The following HTT variants were observed in gnomAD, a reference collection of about 807,000 sequenced individuals.
The protein encoded by HTT is huntingtin, also known as huntington disease protein.
In HTT, 104 loss-of-function variants were observed where a neutral mutation model predicts 362.3. The observed-to-expected ratio is 0.29, with a 90% CI of 0.24 to 0.34. HTT has a LOEUF of 0.34. HTT is among the 10% of genes least tolerant of loss of function. The pLI is 1.00. For missense variants in HTT, 3,301 were observed against 3,928.6 expected (o/e 0.84, Z 4.27); for synonymous variants, 1,577 against 1,548.7 (o/e 1.02, Z -0.43).
At position 3,146,882 on chromosome 4, in the gene HTT, G is replaced by C; in HGVS notation, c.3229G>C (p.Ala1077Pro). The C allele has an allele frequency of 6.2e-7, 1 of 1,614,156 alleles. No homozygotes were observed. The highest frequency in any genetic ancestry group is 8.5e-7 in the Non-Finnish European group (1 of 1,180,000). The change falls in exon 25 of 67, where the codon GCT becomes CCT. Residue 1077 changes from alanine to proline, a missense_variant. Coordinates refer to ENST00000355072, the MANE Select transcript of HTT (RefSeq NM_001388492.1). ...ATMILTLLSS[A>P]WFPLDLSAHQ... ...AATGATTCTGACCCTGCTCTCGTCA[G>C]CTTGGTTCCCATTGGATCTCTCAGC...
chr4:3,229,123 C>T, intron 59 of HTT, 114 bp downstream of exon 59: 2 of 1,034,716 alleles, frequency 1.9e-6, no homozygotes, highest in Non-Finnish European at 2.8e-6. Context: ...ACACACCCCT[C>T]ATGCATGCAA....
chr4:3,086,342 G>C lies in HTT; in HGVS notation c.264-597G>C, dbSNP rs191829313. Among the ~76,000 whole-genome samples, 3 of 152,282 alleles carry C rather than the reference G, an allele frequency of 2.0e-5. No homozygotes were observed. In the East Asian group the frequency reaches 5.8e-4, roughly 29 times the overall value. ...TTCATATCTGTGTGATCTTGGGCAT[G>C]TCATGGTTGGCACTTCAATTTCTTC... On this transcript the variant is annotated intron_variant, in intron 1 of 66. Coordinates refer to ENST00000355072, the MANE Select transcript of HTT (RefSeq NM_001388492.1).
intron 41 of HTT, among the ~76,000 whole-genome samples, chr4:3,202,649 C>T (rs992241443): frequency 6.6e-5 from 10 of 152,156 alleles, no homozygotes; most frequent in African/African-American, 2.4e-4. Flanking sequence ...CACATCCTGC[C>T]CCTCCCCAGG....
intron 65 of HTT, 78 bp from the exon 66 acceptor site, chr4:3,238,740 C>G: frequency 3.9e-6 from 4 of 1,038,410 alleles, no homozygotes; most frequent in Non-Finnish European, 5.6e-6. Context: ...GCCCCCACCC[C>G]ACCCCCGCCA....
At chr4:3,200,878 G>C (rs1719498533) in intron 41 of HTT, among the ~76,000 whole-genome samples, 1 of 152,244 alleles carries the variant, frequency 6.6e-6, no homozygotes, top group Non-Finnish European at 1.5e-5. Flanking sequence ...CAGAAAGTCA[G>C]TGTCTCCTAG....
Position 3,215,155 on chromosome 4 carries a change from C to G in HTT, c.6998C>G (p.Thr2333Arg). 1 of 1,614,076 alleles carries G rather than the reference C, an allele frequency of 6.2e-7. No homozygotes were observed. The highest frequency in any genetic ancestry group is 8.5e-7 in the Non-Finnish European group (1 of 1,179,974). Residue 2333 changes from threonine (T) to arginine (R), a missense_variant, in exon 51 of 67, where the codon ACA (threonine) becomes AGA (arginine). By Grantham distance (71) the Thr-to-Arg change is moderately conservative. Coordinates refer to ENST00000355072, the MANE Select transcript of HTT (RefSeq NM_001388492.1). Reference sequence around the variant, plus strand: ...CAGCTTCTTAGTCCAGAAAGAAGGACAAATACCCCAAAAGCCATCAGCGAG... The same window carrying G: ...CAGCTTCTTAGTCCAGAAAGAAGGAGAAATACCCCAAAAGCCATCAGCGAG... ...GEQLLSPERR[T>R]NTPKAISEEE...
chr4:3,137,107 G>C (rs980711910), intron 21 of HTT, among the ~76,000 whole-genome samples: 1 of 151,644 alleles, frequency 6.6e-6, no homozygotes, highest in African/African-American at 2.4e-5. Context: ...AGGGTTTCAC[G>C]ATATTGGCCA....
intron 27 of HTT, among the ~76,000 whole-genome samples, chr4:3,156,272 A>G (rs186473767): frequency 4.2e-4 from 64 of 152,188 alleles, no homozygotes; most frequent in African/African-American, 1.4e-3. Context: ...GGCACATGCT[A>G]CTGCACCTGG....
chr4:3,152,002 A>T (rs1716916833), intron 26 of HTT, among the ~76,000 whole-genome samples: 1 of 152,040 alleles, frequency 6.6e-6, no homozygotes, highest in Non-Finnish European at 1.5e-5. Context: ...ATCATAGCTC[A>T]CTGCGGCCTC....
At chr4:3,186,397 G>T (rs1025403111) in intron 37 of HTT, among the ~76,000 whole-genome samples, 200 bp from the exon 38 acceptor site, 1 of 152,140 alleles carries the variant, frequency 6.6e-6, no homozygotes, top group Non-Finnish European at 1.5e-5. Flanking sequence ...CAAGATTTCT[G>T]TTATGGGAAA....
rs768698426 is a variant in HTT at position 3,107,266 on chromosome 4, C to T, written c.609-19C>T. The stretch of plus-strand genomic sequence containing the variant: ...GAAGGAGAGCTGGAAGAATGACTTG[C>T]GTTCTTTTGCATACACAGGCCTTAC... On this transcript the variant is annotated intron_variant, in intron 5 of 66. Transcript: ENST00000355072. 3.8e-5 allele frequency: 61 copies of T among 1,606,884 alleles called. No individual in the cohort carries two copies. The highest frequency in any genetic ancestry group is 4.8e-5 in the Non-Finnish European group (57 of 1,176,972).
intron 6 of HTT, among the ~76,000 whole-genome samples, chr4:3,114,173 C>A (rs1714906687): frequency 6.6e-6 from 1 of 152,256 alleles, no homozygotes; most frequent in African/African-American, 2.4e-5. Context: ...GCAGCAGGAG[C>A]ATGTCCTTAA....
intron 29 of HTT, among the ~76,000 whole-genome samples, chr4:3,165,552 C>T (rs1717658340): frequency 6.6e-6 from 1 of 152,170 alleles, no homozygotes; most frequent in Non-Finnish European, 1.5e-5. Flanking sequence ...GTACACCAAT[C>T]AAACGTAGAT....
intron 64 of HTT, among the ~76,000 whole-genome samples, chr4:3,236,978 CAA>C (rs1721567715): frequency 6.6e-6 from 1 of 152,200 alleles, no homozygotes; most frequent in East Asian, 1.9e-4. Flanking sequence ...TGGCTTTTCT[CAA>C]GAGCATACTC....
At chr4:3,203,767 C>A (rs1006458850) in intron 41 of HTT, among the ~76,000 whole-genome samples, 1 of 152,202 alleles carries the variant, frequency 6.6e-6, no homozygotes, top group Non-Finnish European at 1.5e-5. Context: ...GCTATTCAGG[C>A]AAGCATTTTA....
intron 59 of HTT, 79 bp from the exon 60 acceptor site, chr4:3,229,808 G>A: frequency 6.9e-7 from 1 of 1,448,062 alleles, no homozygotes; most frequent in Non-Finnish European, 9.7e-7. Flanking sequence ...CGACTTGCCA[G>A]TAGTAGCGTT....
chr4:3,155,771 G>A (rs1456992162), intron 27 of HTT, among the ~76,000 whole-genome samples: 13 of 143,128 alleles, frequency 9.1e-5, no homozygotes, highest in African/African-American at 2.3e-4. Context: ...GGTGGCTCGC[G>A]CCAGTCGTCC....
chr4:3,169,746 G>A (rs1344183491), intron 29 of HTT, among the ~76,000 whole-genome samples: 2 of 152,078 alleles, frequency 1.3e-5, no homozygotes, highest in Non-Finnish European at 2.9e-5. Flanking sequence ...GCTAATTTGT[G>A]TATTTTTATT....
rs1476144855 is a variant in HTT at position 3,228,912 on chromosome 4, G to C, written c.8012G>C (p.Cys2671Ser). The change falls in exon 59 of 67, where the codon TGT (cysteine) becomes TCT (serine). Residue 2671 changes from cysteine (C) to serine (S), a missense_variant. This residue lies in a region of HTT where 753 missense variants were observed against 1,021.3 expected (regional missense o/e 0.74). Coordinates refer to ENST00000355072, the MANE Select transcript of HTT (RefSeq NM_001388492.1). The surrounding 1 kb of genome is among the most constrained non-coding windows in gnomAD (Gnocchi z 4.3). ...CGGGCTGGAGTTGACATCCACTCCT[G>C]TTCGCAGTTTTTGCTTGAGTTGTAC... is the stretch of plus-strand genomic sequence containing the variant. ...KHRAGVDIHS[C>S]SQFLLELYSR... The C allele has an allele frequency of 3.7e-6, 6 of 1,613,820 alleles. No individual in the cohort carries two copies. The highest frequency in any genetic ancestry group is 5.1e-6 in the Non-Finnish European group (6 of 1,179,830).
Sources: gnomAD v4.1 joint callset for allele counts (sites outside exome capture counted in the v4.1 genomes callset) on GRCh38, gnomAD v4.1.1 for gene constraint, gnomAD v4.1.1 regional missense constraint, Gnocchi (gnomAD v3.1) non-coding constraint, MANE v1.5 for transcripts, NCBI Gene and HGNC (gene_info 2026-07-23, HGNC 2026-07-21) for gene names.